TOMM70: variants seen among roughly 807,000 people sequenced by gnomAD.
TOMM70 encodes mitochondrial import receptor subunit TOM70.
A neutral mutation model predicts 73.6 loss-of-function variants in TOMM70; 13 were observed. That is an observed-to-expected ratio of 0.18 (90% CI 0.11 to 0.28). The LOEUF (loss-of-function observed/expected upper bound fraction) is 0.28. Ranked by LOEUF, TOMM70 falls within the 10% of genes least tolerant of loss-of-function variation. The pLI, the probability that TOMM70 is intolerant of heterozygous loss-of-function variation, is 1.00. For missense variants in TOMM70, 609 were observed against 747.5 expected (o/e 0.81, Z 2.16); for synonymous variants, 257 against 271.2 (o/e 0.95, Z 0.51).
In TOMM70 at chr3:100,368,796, G is replaced by A. The variant is rs114942424; in HGVS notation, c.1550+242C>T. 4.0e-3 allele frequency among the ~76,000 whole-genome samples: 614 copies of A among 152,206 alleles called. 3 individuals are homozygous for A. Among genetic ancestry groups the A allele is most frequent in the South Asian group, 7.9e-3 (38 of 4,818 alleles). On this transcript the variant is annotated intron_variant, in intron 10 of 11. Coordinates refer to ENST00000284320, the MANE Select transcript of TOMM70 (RefSeq NM_014820.5). ...TCACCATGTTGGTCAGGAGGGTTTC[G>A]AACTCCCAACCTCAGATGATCTGCC...
intron 1 of TOMM70, among the ~76,000 whole-genome samples, chr3:100,398,404 AT>A: frequency 6.6e-6 from 1 of 151,278 alleles, no homozygotes; most frequent in Non-Finnish European, 1.5e-5. Flanking sequence ...AAAAAAAAAA[AT>A]TTAGTTTCAT....
intron 10 of TOMM70, among the ~76,000 whole-genome samples, chr3:100,368,369 G>A (rs1655304836): frequency 6.6e-6 from 1 of 152,052 alleles, no homozygotes; most frequent in Non-Finnish European, 1.5e-5. Context: ...TACAAAAAGT[G>A]TTCAATGGTC....
intron 5 of TOMM70, among the ~76,000 whole-genome samples, chr3:100,379,874 C>G (rs1251001250): frequency 2.0e-5 from 3 of 152,162 alleles, no homozygotes; most frequent in African/African-American, 7.2e-5. Context: ...CCACCTCAGC[C>G]TCTCAAAGTG....
rs413425 is a variant in TOMM70, at chr3:100,364,667, C to G, written c.*897G>C. 22,989 of 152,068 alleles carry G rather than the reference C, an allele frequency of 0.15. 3,228 individuals carry two copies. Among genetic ancestry groups the G allele is most frequent in the East Asian group, 0.49 (2,542 of 5,152 alleles). 9.4% of individuals were successfully genotyped at this position (152,068 alleles called of 1,614,324 possible). A position where few individuals can be genotyped will look rare whatever the true frequency, so the allele number is the denominator to read the frequency against. On this transcript the variant is annotated 3_prime_UTR_variant, in exon 12 of 12. Coordinates refer to ENST00000284320, the MANE Select transcript of TOMM70 (RefSeq NM_014820.5). ...CAGCCTCGAGCTCCTGGTCTCAAGC[C>G]TCTTGCCTCAGCCTCCCTAGTAGCT...
At chr3:100,388,785 T>C (rs1241994328) in intron 1 of TOMM70, among the ~76,000 whole-genome samples, 3 of 152,158 alleles carry the variant, frequency 2.0e-5, no homozygotes, top group Non-Finnish European at 4.4e-5. Context: ...AGGTTGCTTT[T>C]AAAGAGCACT....
intron 1 of TOMM70, among the ~76,000 whole-genome samples, chr3:100,396,133 C>A (rs769437515): frequency 4.6e-5 from 7 of 151,268 alleles, no homozygotes; most frequent in Non-Finnish European, 1.0e-4. Flanking sequence ...AAAGTGTTAA[C>A]TAAGCTTAGA....
At chr3:100,399,211 G>A (rs1337129728) in intron 1 of TOMM70, among the ~76,000 whole-genome samples, 19 of 151,692 alleles carry the variant, frequency 1.3e-4, no homozygotes, top group African/African-American at 4.4e-4. Flanking sequence ...CCCAGGAGGC[G>A]GAGGTGGTGG....
In TOMM70 at chr3:100,400,770, A is replaced by C. The variant is rs757108241; in HGVS notation, c.180T>G (p.Ser60Arg). Residue 60 changes from serine to arginine, a missense_variant, in exon 1 of 12, where the codon AGT becomes AGG. Physicochemically the swap from Ser to Arg is moderately radical, Grantham distance 110. This residue lies in a region of TOMM70 where 177 missense variants were observed against 163.5 expected (regional missense o/e 1.08). Coordinates refer to ENST00000284320, the MANE Select transcript of TOMM70 (RefSeq NM_014820.5). Reference protein sequence around the residue: ...LLGAGAIYLWSRQQRRREARG... With the variant: ...LLGAGAIYLWRRQQRRREARG... ...TGGCCTCCCGGCGCCGTTGCTGCCG[A>C]CTCCACAGGTATATGGCACCCGCGC... 1.3e-6 allele frequency: 2 copies of C among 1,580,534 alleles called. No homozygotes were observed. The highest frequency in any genetic ancestry group is 1.7e-6 in the Non-Finnish European group (2 of 1,168,220).
Position 100,386,258 on chromosome 3 carries a change from T to C in TOMM70, c.585A>G (p.Lys195=), listed in dbSNP as rs532949050. The stretch of plus-strand genomic sequence containing the variant: ...TCTTATTGTCTAGCTTCTCATGGGC[T>C]TTTGCACGTCTAAAGAGAGCTTTCA... ...KYVKALFRRA[K]AHEKLDNKKE... is the part of the protein sequence containing the mutation. Residue 195 remains lysine, a synonymous_variant, in exon 3 of 12, where the codon AAA becomes AAG. Coordinates refer to ENST00000284320, the MANE Select transcript of TOMM70 (RefSeq NM_014820.5). 3.7e-6 allele frequency: 6 copies of C among 1,613,252 alleles called. No individual in the cohort carries two copies. In the African/African-American group the frequency reaches 6.7e-5, roughly 18 times the overall value.
chr3:100,390,123 A>G (rs1706742234), intron 1 of TOMM70, among the ~76,000 whole-genome samples: 1 of 152,254 alleles, frequency 6.6e-6, no homozygotes, highest in Admixed American at 6.5e-5. Context: ...TTAAAGTTAA[A>G]GACAAACAGA....
At chr3:100,377,058 G>C (rs958107843) in intron 6 of TOMM70, among the ~76,000 whole-genome samples, 2 of 152,100 alleles carry the variant, frequency 1.3e-5, no homozygotes, top group East Asian at 3.9e-4. Context: ...AGAGGAGAGA[G>C]GCTACAGAGT....
At chr3:100,381,199 A>G (rs1374335661) in intron 5 of TOMM70, among the ~76,000 whole-genome samples, 1 of 152,164 alleles carries the variant, frequency 6.6e-6, no homozygotes, top group Non-Finnish European at 1.5e-5. Flanking sequence ...CCTTGAAAAA[A>G]TTCACTCTTT....
Position 100,381,749 on chromosome 3 carries a change from C to T in TOMM70, c.750G>A (p.Leu250=). ...ATTTGATAAACTGTGGAGATGGCAT[C>T]AGAGGTTCACGATTCTGAAATTTAG... ...AKEKYKNREP[L]MPSPQFIKSY... The change falls in exon 5 of 12, where the codon CTG becomes CTA. Residue 250 remains leucine (L), a synonymous_variant. Coordinates refer to ENST00000284320, the MANE Select transcript of TOMM70 (RefSeq NM_014820.5). 1 of 1,598,188 alleles carries T rather than the reference C, an allele frequency of 6.3e-7. No individual in the cohort carries two copies. Among genetic ancestry groups the T allele is most frequent in the Non-Finnish European group, 8.5e-7 (1 of 1,170,856 alleles).
chr3:100,394,318 G>A (rs1391576025), intron 1 of TOMM70, among the ~76,000 whole-genome samples: 4 of 150,578 alleles, frequency 2.7e-5, no homozygotes, highest in Non-Finnish European at 4.4e-5. Flanking sequence ...AACACTTACT[G>A]TATGAGAAAC....
At chr3:100,385,885 A>G (rs1706685446) in intron 3 of TOMM70, among the ~76,000 whole-genome samples, 1 of 152,236 alleles carries the variant, frequency 6.6e-6, no homozygotes, top group Admixed American at 6.5e-5. Context: ...TAAATGAAAT[A>G]TGTAGAACCT....
At chr3:100,400,589 C>T in intron 1 of TOMM70, 37 bp downstream of exon 1, 1 of 1,595,130 alleles carries the variant, frequency 6.3e-7, no homozygotes, top group Non-Finnish European at 8.5e-7. Flanking sequence ...GCTGCACGAG[C>T]CAGTTTCCTC....
intron 5 of TOMM70, among the ~76,000 whole-genome samples, chr3:100,378,507 T>TAG (rs1318646235): frequency 1.3e-5 from 2 of 152,172 alleles, no homozygotes; most frequent in Non-Finnish European, 2.9e-5. Context: ...CTTAGACATT[T>TAG]AGATACTGAA....
chr3:100,378,242 C>CA (rs755941817), intron 5 of TOMM70, among the ~76,000 whole-genome samples: 197 of 129,728 alleles, frequency 1.5e-3, no homozygotes, highest in Middle Eastern at 8.2e-3. Context: ...GACTCCATCT[C>CA]AAAAAAAAAA....
intron 1 of TOMM70, among the ~76,000 whole-genome samples, chr3:100,391,942 T>G (rs1399709289): frequency 6.6e-6 from 1 of 152,208 alleles, no homozygotes; most frequent in African/African-American, 2.4e-5. Context: ...AAGCTCCATG[T>G]TAAGTGCTCT....
Sources: gnomAD v4.1 joint callset for allele counts (sites outside exome capture counted in the v4.1 genomes callset) on GRCh38, gnomAD v4.1.1 for gene constraint, gnomAD v4.1.1 regional missense constraint, MANE v1.5 for transcripts, NCBI Gene and HGNC (gene_info 2026-07-23, HGNC 2026-07-21) for gene names.